The following ATP2B2 variants were observed in gnomAD, a reference collection of about 807,000 sequenced individuals.
The protein encoded by ATP2B2 is ATPase plasma membrane Ca2+ transporting 2.
Under a neutral mutation model 120.0 loss-of-function variants are expected in ATP2B2, and 15 were observed. The observed-to-expected ratio is 0.12, with a 90% confidence interval of 0.08 to 0.19. The LOEUF (loss-of-function observed/expected upper bound fraction) is 0.19. ATP2B2 is among the 10% of genes least tolerant of loss of function. The probability of loss-of-function intolerance (pLI) is 1.00; values close to 1 mark genes in which losing one functional copy is unlikely to be tolerated. For synonymous variants in ATP2B2, 694 were observed against 700.3 expected (o/e 0.99, Z 0.14); for missense variants, 1,045 against 1,719.8 (o/e 0.61, Z 6.94).
At chr3:10,371,671 T>C (rs1000978919) in intron 12 of ATP2B2, 138 bp downstream of exon 12, 1 of 1,295,006 alleles carries the variant, frequency 7.7e-7, no homozygotes, top group Non-Finnish European at 1.1e-6. Context: ...AACAGAAACA[T>C]GTTGCTTACT....
At chr3:10,555,455 G>A (rs1411638912) in intron 2 of ATP2B2, among the ~76,000 whole-genome samples, 1 of 152,182 alleles carries the variant, frequency 6.6e-6, no homozygotes, top group East Asian at 1.9e-4. Flanking sequence ...CCTCCTCCGG[G>A]AAGCCTTCCC....
At chr3:10,351,970 G>A (rs1022454446) in intron 14 of ATP2B2, among the ~76,000 whole-genome samples, 1 of 152,222 alleles carries the variant, frequency 6.6e-6, no homozygotes, top group Non-Finnish European at 1.5e-5. Context: ...ACAGCAAACT[G>A]CTCTTGAGCC....
chr3:10,618,755 C>T (rs1321166140), intron 2 of ATP2B2, among the ~76,000 whole-genome samples: 1 of 152,118 alleles, frequency 6.6e-6, no homozygotes, highest in Non-Finnish European at 1.5e-5. Flanking sequence ...CCAGAGAGCA[C>T]TTGGGAAGAA....
intron 2 of ATP2B2, among the ~76,000 whole-genome samples, chr3:10,594,960 TACTC>T (rs2068731006): frequency 6.6e-6 from 1 of 152,240 alleles, no homozygotes; most frequent in African/African-American, 2.4e-5. Flanking sequence ...TTTTCCCAGA[TACTC>T]ACACTCAGTC....
intron 2 of ATP2B2, among the ~76,000 whole-genome samples, chr3:10,613,322 T>C (rs1049595949): frequency 6.6e-6 from 1 of 152,158 alleles, no homozygotes; most frequent in African/African-American, 2.4e-5. Flanking sequence ...GCGGCACTTC[T>C]CTGAGTTTGG....
At chr3:10,515,052 C>T (rs2066850037) in intron 3 of ATP2B2, among the ~76,000 whole-genome samples, 1 of 152,220 alleles carries the variant, frequency 6.6e-6, no homozygotes, top group Non-Finnish European at 1.5e-5. Flanking sequence ...AGTAGATTCT[C>T]AGATACAAGG....
At chr3:10,460,146 G>T (rs978029730) in intron 1 of ATP2B2, among the ~76,000 whole-genome samples, 8 of 152,254 alleles carry the variant, frequency 5.3e-5, no homozygotes, top group African/African-American at 1.7e-4. Context: ...ACGGAGGTCA[G>T]TGCTGGGGAG....
intron 2 of ATP2B2, among the ~76,000 whole-genome samples, chr3:10,587,769 TTG>T (rs909220790): frequency 2.6e-5 from 4 of 152,122 alleles, no homozygotes; most frequent in Non-Finnish European, 5.9e-5. Context: ...GTTTGTTTGT[TTG>T]TTTGTTTCTC....
At chr3:10,437,520 C>T (rs1474650197) in intron 2 of ATP2B2, among the ~76,000 whole-genome samples, 3 of 152,220 alleles carry the variant, frequency 2.0e-5, no homozygotes, top group Admixed American at 2.0e-4. Context: ...CACTTCCTAA[C>T]GCCCACTTCT....
chr3:10,339,446 C>A (rs2060214726), intron 21 of ATP2B2, among the ~76,000 whole-genome samples: 1 of 152,238 alleles, frequency 6.6e-6, no homozygotes, highest in Non-Finnish European at 1.5e-5. Context: ...GAATCAGGCC[C>A]CTTAGGCCCT....
rs542417285 is a variant in ATP2B2 at position 10,584,119 on chromosome 3, G to A, written c.-415+35798C>T. ...AAACTTGCGAGGAAGAGAGCTTTCCGCTTGGACTTGAGGCAGAGCAGGAGC... is the reference window on the plus strand; with the variant it reads ...AAACTTGCGAGGAAGAGAGCTTTCCACTTGGACTTGAGGCAGAGCAGGAGC... On this transcript the variant is annotated intron_variant, in intron 2 of 21. Coordinates refer to the ATP2B2 transcript ENST00000646379. Among the ~76,000 whole-genome samples, 363 of 151,930 alleles carry A rather than the reference G, an allele frequency of 2.4e-3. 1 individual carries two copies. Among genetic ancestry groups the A allele is most frequent in the South Asian group, 6.0e-3 (29 of 4,824 alleles).
At chr3:10,665,417 A>G (rs544416452) in intron 1 of ATP2B2, among the ~76,000 whole-genome samples, 5 of 151,084 alleles carry the variant, frequency 3.3e-5, no homozygotes, top group African/African-American at 1.2e-4. Flanking sequence ...TCCCTTACTA[A>G]CCTCCCACAG....
intron 22 of ATP2B2, among the ~76,000 whole-genome samples, chr3:10,334,579 G>C (rs1021172577): frequency 1.3e-4 from 20 of 152,134 alleles, no homozygotes; most frequent in Non-Finnish European, 5.9e-5. Flanking sequence ...ATGTGACTCA[G>C]CCACCATCTG....
intron 22 of ATP2B2, among the ~76,000 whole-genome samples, chr3:10,331,112 A>G (rs73127656): frequency 0.013 from 1,997 of 152,346 alleles, 53 homozygotes; most frequent in African/African-American, 0.045. Flanking sequence ...TGCTTTAAAT[A>G]AGAGGCAACA....
At chr3:10,428,467 T>C (rs2125091256) in intron 2 of ATP2B2, among the ~76,000 whole-genome samples, 1 of 152,270 alleles carries the variant, frequency 6.6e-6, no homozygotes, top group African/African-American at 2.4e-5. Flanking sequence ...CCTCCCCAGG[T>C]GGCGTTGTGC....
At chr3:10,412,986 AC>A (rs1349498577) in intron 2 of ATP2B2, among the ~76,000 whole-genome samples, 1 of 152,200 alleles carries the variant, frequency 6.6e-6, no homozygotes, top group African/African-American at 2.4e-5. Flanking sequence ...TGTGAACAGC[AC>A]TAGCAGCACA....
chr3:10,582,238 C>T (rs2068408176), intron 2 of ATP2B2, among the ~76,000 whole-genome samples: 1 of 152,136 alleles, frequency 6.6e-6, no homozygotes, highest in African/African-American at 2.4e-5. Flanking sequence ...GCCAGAATTG[C>T]TGCAGGGGCT....
In ATP2B2 at chr3:10,402,472, T is replaced by C. The variant is rs1346007444; in HGVS notation, c.398-124A>G. ...TAAGAATCAGATGATAATTATCCAC[T>C]TACTCAGTGTGTCTGGGTACCAAGC... On this transcript the variant is annotated intron_variant, in intron 3 of 22. Coordinates refer to ENST00000360273, the MANE Select transcript of ATP2B2 (RefSeq NM_001001331.4). This position sits in a 1 kb window ranked among gnomAD's most constrained non-coding sequence, Gnocchi z 4.9. The C allele has an allele frequency of 1.6e-5, 22 of 1,411,194 alleles. No individual in the cohort carries two copies. The East Asian group carries it at 3.9e-4, about 25-fold the overall frequency. 87.4% of individuals were successfully genotyped at this position (1,411,194 alleles called of 1,614,324 possible).
intron 2 of ATP2B2, among the ~76,000 whole-genome samples, chr3:10,597,826 C>T (rs1428755466): frequency 1.3e-5 from 2 of 152,172 alleles, no homozygotes; most frequent in Middle Eastern, 3.2e-3. Flanking sequence ...TTATTGTTGC[C>T]ATCGTCCTGA....
Sources: allele counts gnomAD v4.1 joint callset (sites outside exome capture counted in the v4.1 genomes callset), GRCh38; gene constraint gnomAD v4.1.1; non-coding constraint Gnocchi (gnomAD v3.1); transcripts MANE v1.5; gene names NCBI Gene and HGNC (gene_info 2026-07-23, HGNC 2026-07-21).